Variants in DAB1 observed in about 807,000 individuals in gnomAD.
The protein encoded by DAB1 is disabled homolog 1.
A neutral mutation model predicts 64.6 loss-of-function variants in DAB1; 15 were observed. The observed-to-expected ratio is 0.23, with a 90% CI of 0.16 to 0.36. DAB1 has a LOEUF of 0.36. DAB1 is among the 10% of genes least tolerant of loss of function. DAB1 has a pLI of 1.00. For missense variants in DAB1, 596 were observed against 706.7 expected, an observed-to-expected ratio of 0.84 and a Z score of 1.78; for synonymous variants, 235 against 251.9, an observed-to-expected ratio of 0.93 and a Z score of 0.64.
intron 4 of DAB1, among the ~76,000 whole-genome samples, chr1:58,339,439 T>C (rs1663199426): frequency 6.6e-6 from 1 of 152,112 alleles, no homozygotes; most frequent in African/African-American, 2.4e-5. Context: ...TAATAAATAT[T>C]TTTCATATTA....
At chr1:58,302,721 G>A (rs183162769) in intron 4 of DAB1, among the ~76,000 whole-genome samples, 1 of 151,894 alleles carries the variant, frequency 6.6e-6, no homozygotes. Flanking sequence ...TACTTTATAG[G>A]GCTGCTGCAT....
intron 9 of DAB1, among the ~76,000 whole-genome samples, chr1:57,038,888 G>A (rs944706905): frequency 5.9e-5 from 9 of 152,160 alleles, no homozygotes; most frequent in Admixed American, 1.3e-4. Context: ...TGCAAGAAAC[G>A]CAGAACCCAG....
At chr1:57,236,975 T>C (rs1173047207) in intron 2 of DAB1, among the ~76,000 whole-genome samples, 1 of 152,212 alleles carries the variant, frequency 6.6e-6, no homozygotes, top group Non-Finnish European at 1.5e-5. Context: ...ACTGAATAAC[T>C]GTATTTTTAA....
At chr1:58,405,649 T>A (rs762904388) in intron 3 of DAB1, among the ~76,000 whole-genome samples, 1 of 152,224 alleles carries the variant, frequency 6.6e-6, no homozygotes, top group African/African-American at 2.4e-5. Context: ...TTGTTTATTT[T>A]AAGGCCACCT....
At chr1:57,794,331 C>T (rs2101863074) in intron 6 of DAB1, among the ~76,000 whole-genome samples, 1 of 152,334 alleles carries the variant, frequency 6.6e-6, no homozygotes, top group African/African-American at 2.4e-5. Flanking sequence ...CAAGGCTTAT[C>T]ATAATTTGGT....
chr1:58,056,505 C>A lies in DAB1; in HGVS notation n.387+94006G>T, dbSNP rs545828309. ...TCTTGGAGGCACGGACCAGAGAGAG[C>A]TCATGTGCATTCTTAATGTTGGGTT... On this transcript the variant is annotated intron_variant and non_coding_transcript_variant, in intron 5 of 20. Transcript: ENST00000485760. 20 of 1,161,698 alleles carry A rather than the reference C, an allele frequency of 1.7e-5. No homozygotes were observed. The East Asian group carries it at 4.7e-4, about 27-fold the overall frequency. 72.0% of individuals were successfully genotyped at this position (1,161,698 alleles called of 1,614,324 possible). A position where few individuals can be genotyped will look rare whatever the true frequency, so the allele number is the denominator to read the frequency against.
chr1:58,473,858 C>A (rs1042621744), intron 3 of DAB1: 8 of 649,946 alleles, frequency 1.2e-5, no homozygotes, highest in African/African-American at 9.3e-5. Context: ...TCCTAGCCTG[C>A]GTTTCCTTCA....
rs562407378 is a variant in DAB1 at position 58,335,754 on chromosome 1, G to A, written n.309+7598C>T. On this transcript the variant is annotated intron_variant and non_coding_transcript_variant, in intron 4 of 20. Transcript: ENST00000485760. ...CTTGCTGATACACTGGCTATAGGGC[G>A]TGAAAAAGAGACAGAGGTCATGGAT... Among the ~76,000 whole-genome samples, 198 of 152,300 alleles carry A rather than the reference G, an allele frequency of 1.3e-3. 2 individuals are homozygous for A. The South Asian group carries it at 0.038, about 29-fold the overall frequency.
chr1:58,020,303 A>G (rs1646797987), intron 5 of DAB1, among the ~76,000 whole-genome samples: 1 of 152,208 alleles, frequency 6.6e-6, no homozygotes, highest in African/African-American at 2.4e-5. Flanking sequence ...GAAGTGCTTA[A>G]ACACATAAAG....
intron 2 of DAB1, among the ~76,000 whole-genome samples, chr1:57,233,252 A>ATTTTTTTTT (rs1667824189): frequency 1.8e-5 from 1 of 56,888 alleles, no homozygotes; most frequent in Non-Finnish European, 3.6e-5. Context: ...CTTTGCTCCG[A>ATTTTTTTTT]TTCTTTTTTT....
intron 4 of DAB1, among the ~76,000 whole-genome samples, chr1:58,302,062 G>A (rs1662183371): frequency 6.6e-6 from 1 of 152,158 alleles, no homozygotes; most frequent in Admixed American, 6.5e-5. Flanking sequence ...TAGAGAAATT[G>A]TGGGGTGAGA....
intron 6 of DAB1, among the ~76,000 whole-genome samples, chr1:57,812,442 T>C (rs933526820): frequency 6.6e-6 from 1 of 151,968 alleles, no homozygotes; most frequent in African/African-American, 2.4e-5. Flanking sequence ...CAGAATTATA[T>C]GCTTCCCTTG....
chr1:57,481,344 C>T (rs554184509), intron 7 of DAB1, among the ~76,000 whole-genome samples: 2 of 152,300 alleles, frequency 1.3e-5, no homozygotes, highest in Non-Finnish European at 2.9e-5. Context: ...CTGCCACCCT[C>T]GCCCCCAACA....
At chr1:58,012,782 G>C (rs1200703631) in intron 5 of DAB1, among the ~76,000 whole-genome samples, 1 of 152,200 alleles carries the variant, frequency 6.6e-6, no homozygotes, top group East Asian at 1.9e-4. Flanking sequence ...CTCCAGAACA[G>C]TGAGAAATGA....
intron 3 of DAB1, among the ~76,000 whole-genome samples, chr1:58,394,386 C>G (rs1034116632): frequency 2.6e-5 from 4 of 152,198 alleles, no homozygotes; most frequent in African/African-American, 9.6e-5. Context: ...AAAATGAAAG[C>G]GTATAAAAAT....
chr1:58,211,888 G>A (rs553073466), intron 4 of DAB1, among the ~76,000 whole-genome samples: 17 of 152,062 alleles, frequency 1.1e-4, no homozygotes, highest in African/African-American at 2.4e-4. Context: ...ATAAGAAATC[G>A]TTTTCAGACG....
At chr1:58,065,456 C>A (rs11207164) in intron 5 of DAB1, among the ~76,000 whole-genome samples, 34,506 of 151,874 alleles carry the variant, frequency 0.23, 4,048 homozygotes, top group Non-Finnish European at 0.25. Flanking sequence ...AAAAAAGAGT[C>A]TAAAATAAAA....
intron 1 of DAB1, among the ~76,000 whole-genome samples, chr1:57,846,951 G>A (rs1197494961): frequency 6.6e-6 from 1 of 152,210 alleles, no homozygotes; most frequent in Admixed American, 6.5e-5. Flanking sequence ...GGAAATGGTT[G>A]GTAGTGTGAC....
chr1:58,429,436 A>G (rs991552212), intron 3 of DAB1, among the ~76,000 whole-genome samples: 1 of 152,238 alleles, frequency 6.6e-6, no homozygotes, highest in Admixed American at 6.5e-5. Flanking sequence ...GAGACAGAGC[A>G]GGACAGTCAG....
Sources: allele counts gnomAD v4.1 joint callset (sites outside exome capture counted in the v4.1 genomes callset), GRCh38; gene constraint gnomAD v4.1.1; transcripts MANE v1.5; gene names NCBI Gene and HGNC (gene_info 2026-07-23, HGNC 2026-07-21).